The following RBFOX1 variants were observed in gnomAD, a reference collection of about 807,000 sequenced individuals.
The protein encoded by RBFOX1 is RNA binding fox-1 homolog 1, also known as RNA binding protein fox-1 homolog 1.
A neutral mutation model predicts 57.7 loss-of-function variants in RBFOX1; 8 were observed. The ratio of observed to expected loss-of-function variants is 0.14; its 90% confidence interval spans 0.08 to 0.25. The LOEUF (loss-of-function observed/expected upper bound fraction) is 0.25, where lower values mean the gene tolerates loss of function less well. Among genes scored for constraint, RBFOX1 ranks in the 10% least tolerant of loss-of-function variants. The pLI, the probability that RBFOX1 is intolerant of heterozygous loss-of-function variation, is 1.00. For synonymous variants in RBFOX1, 326 were observed against 222.4 expected, an observed-to-expected ratio of 1.47 and a Z score of -4.15; for missense variants, 611 against 548.5, an observed-to-expected ratio of 1.11 and a Z score of -1.14.
intron 3 of RBFOX1, among the ~76,000 whole-genome samples, chr16:5,700,608 G>A (rs528376454): frequency 2.3e-4 from 35 of 152,306 alleles, no homozygotes; most frequent in African/African-American, 7.7e-4. Context: ...AACTCGCAGA[G>A]AAACAATGTG....
chr16:6,719,937 A>C (rs2065634176), intron 3 of RBFOX1, among the ~76,000 whole-genome samples: 1 of 151,802 alleles, frequency 6.6e-6, no homozygotes, highest in Non-Finnish European at 1.5e-5. Flanking sequence ...TACTAAAAAT[A>C]CAAGAAATTA....
At chr16:6,189,850 A>G (rs1280241449) in intron 1 of RBFOX1, among the ~76,000 whole-genome samples, 3 of 152,080 alleles carry the variant, frequency 2.0e-5, no homozygotes, top group South Asian at 2.1e-4. Context: ...GTTGTGTAGA[A>G]GCTTTTTCAC....
intron 2 of RBFOX1, among the ~76,000 whole-genome samples, chr16:5,556,474 A>G (rs1029210228): frequency 1.3e-5 from 2 of 152,240 alleles, no homozygotes; most frequent in Non-Finnish European, 2.9e-5. Flanking sequence ...GAAAGTATTT[A>G]TCTTTTCCCC....
intron 2 of RBFOX1, among the ~76,000 whole-genome samples, chr16:5,582,562 T>C (rs2046705479): frequency 6.7e-6 from 1 of 148,868 alleles, no homozygotes; most frequent in South Asian, 2.2e-4. Context: ...TTTTTTTTTT[T>C]TTTTTTTTTT....
At chr16:6,313,718 T>A (rs1350081970) in intron 1 of RBFOX1, among the ~76,000 whole-genome samples, 2 of 152,118 alleles carry the variant, frequency 1.3e-5, no homozygotes, top group Non-Finnish European at 2.9e-5. Flanking sequence ...GTAATCTTGG[T>A]ACAATGAAAA....
intron 2 of RBFOX1, among the ~76,000 whole-genome samples, chr16:6,383,508 C>A (rs923415825): frequency 2.0e-5 from 3 of 152,164 alleles, no homozygotes; most frequent in Admixed American, 2.0e-4. Context: ...GACACAGTGG[C>A]TCATGCCTGT....
intron 4 of RBFOX1, among the ~76,000 whole-genome samples, chr16:7,333,393 T>G (rs1054627359): frequency 5.3e-5 from 8 of 152,196 alleles, no homozygotes; most frequent in African/African-American, 9.6e-5. Flanking sequence ...TTCTCAGCTT[T>G]CTGAGGGACT....
chr16:7,335,345 A>G (rs1378599839), intron 4 of RBFOX1, among the ~76,000 whole-genome samples: 4 of 152,208 alleles, frequency 2.6e-5, no homozygotes, highest in Non-Finnish European at 4.4e-5. Flanking sequence ...AGATGTTAAA[A>G]TGAGCCAAAA....
chr16:6,577,017 G>C (rs1362680185), intron 2 of RBFOX1: 1 of 152,198 alleles, frequency 6.6e-6, no homozygotes, highest in African/African-American at 2.4e-5. Flanking sequence ...TGACATGTGG[G>C]AAGAAGTGGC....
chr16:7,124,667 C>T (rs1351002982), intron 4 of RBFOX1, among the ~76,000 whole-genome samples: 3 of 149,772 alleles, frequency 2.0e-5, no homozygotes, highest in Non-Finnish European at 3.0e-5. Context: ...TACCTAAAAA[C>T]GTGAACCTCA....
intron 1 of RBFOX1, among the ~76,000 whole-genome samples, chr16:6,112,299 G>A (rs1597407470): frequency 6.6e-6 from 1 of 152,270 alleles, no homozygotes; most frequent in African/African-American, 2.4e-5. Flanking sequence ...ATAGTAAATG[G>A]TCCTTCAAAT....
At chr16:5,387,332 A>G (rs1474793372) in intron 1 of RBFOX1, among the ~76,000 whole-genome samples, 1 of 152,128 alleles carries the variant, frequency 6.6e-6, no homozygotes. Flanking sequence ...TTAAACACAC[A>G]CACTTCTATT....
At chr16:6,320,567 T>G (rs1318685915) in intron 2 of RBFOX1, among the ~76,000 whole-genome samples, 1 of 152,156 alleles carries the variant, frequency 6.6e-6, no homozygotes, top group Non-Finnish European at 1.5e-5. Flanking sequence ...TACATATACC[T>G]TGTGAAATGA....
chr16:6,428,200 C>A (rs2093983261), intron 2 of RBFOX1, among the ~76,000 whole-genome samples: 1 of 148,504 alleles, frequency 6.7e-6, no homozygotes. Flanking sequence ...GTGGGAGGAT[C>A]ACTTGAGCCT....
intron 1 of RBFOX1, among the ~76,000 whole-genome samples, chr16:6,083,861 C>G (rs937420498): frequency 6.6e-6 from 1 of 152,112 alleles, no homozygotes; most frequent in African/African-American, 2.4e-5. Flanking sequence ...GGGACACTGG[C>G]AATCTTTAAG....
intron 3 of RBFOX1, among the ~76,000 whole-genome samples, chr16:6,811,413 A>G (rs954824046): frequency 1.3e-5 from 2 of 152,222 alleles, no homozygotes; most frequent in African/African-American, 4.8e-5. Flanking sequence ...GAATATTTTA[A>G]TGTTTCATTG....
At chr16:6,195,539 G>A (rs1223877298) in intron 1 of RBFOX1, among the ~76,000 whole-genome samples, 1 of 152,082 alleles carries the variant, frequency 6.6e-6, no homozygotes, top group Non-Finnish European at 1.5e-5. Context: ...CCAACATGGA[G>A]AAACCCCATG....
intron 4 of RBFOX1, among the ~76,000 whole-genome samples, chr16:7,375,873 T>G (rs553874034): frequency 3.3e-5 from 5 of 152,296 alleles, no homozygotes; most frequent in African/African-American, 1.2e-4. Context: ...AAGTAATCTT[T>G]GATATGAGAT....
chr16:6,731,181 A>C (rs145786712), intron 3 of RBFOX1, among the ~76,000 whole-genome samples: 1 of 152,288 alleles, frequency 6.6e-6, no homozygotes, highest in African/African-American at 2.4e-5. Context: ...TAAGATGCAA[A>C]AATACAGGGA....
Sources: gnomAD v4.1 joint callset for allele counts (sites outside exome capture counted in the v4.1 genomes callset) on GRCh38, gnomAD v4.1.1 for gene constraint, MANE v1.5 for transcripts, NCBI Gene and HGNC (gene_info 2026-07-23, HGNC 2026-07-21) for gene names.